PRDM5: variants seen among roughly 807,000 people sequenced by gnomAD.
The protein encoded by PRDM5 is PR/SET domain 5.
In PRDM5, 56 loss-of-function variants were observed where a neutral mutation model predicts 81.2. The ratio of observed to expected loss-of-function variants is 0.69; its 90% CI spans 0.56 to 0.86. PRDM5 has a LOEUF of 0.86. Ranked by LOEUF, PRDM5 falls within the 40% of genes least tolerant of loss-of-function variation. The probability of loss-of-function intolerance (pLI) is 0.00; values close to 1 mark genes in which losing one functional copy is unlikely to be tolerated. For synonymous variants in PRDM5, 267 were observed against 256.4 expected (o/e 1.04, Z -0.39); for missense variants, 697 against 770.1 (o/e 0.91, Z 1.12).
At chr4:120,868,433 T>C (rs1445541375) in intron 2 of PRDM5, among the ~76,000 whole-genome samples, 1 of 151,540 alleles carries the variant, frequency 6.6e-6, no homozygotes, top group African/African-American at 2.4e-5. Context: ...CAGGATTTGC[T>C]TCTAAATGAG....
At chr4:120,790,392 AC>A (rs1359982011) in intron 10 of PRDM5, among the ~76,000 whole-genome samples, 3 of 152,184 alleles carry the variant, frequency 2.0e-5, no homozygotes. Context: ...CACACTCATC[AC>A]AGTTATTGTA....
intron 4 of PRDM5, among the ~76,000 whole-genome samples, chr4:120,820,358 T>C (rs574898041): frequency 6.6e-6 from 1 of 152,320 alleles, no homozygotes; most frequent in Non-Finnish European, 1.5e-5. Flanking sequence ...AGCAATAAAT[T>C]TCTGCTGCTT....
chr4:120,718,934 T>C (rs1257236741), intron 14 of PRDM5, among the ~76,000 whole-genome samples: 1 of 152,208 alleles, frequency 6.6e-6, no homozygotes, highest in Non-Finnish European at 1.5e-5. Flanking sequence ...AATGTCTCAC[T>C]AATTTCCACT....
chr4:120,697,777 C>T (rs1243700005), intron 15 of PRDM5, among the ~76,000 whole-genome samples: 4 of 141,752 alleles, frequency 2.8e-5, no homozygotes, highest in South Asian at 2.4e-4. Context: ...CCTCAGTCTC[C>T]GAAAGTGCTG....
At chr4:120,887,102 C>T (rs752424877) in intron 2 of PRDM5, among the ~76,000 whole-genome samples, 12 of 152,092 alleles carry the variant, frequency 7.9e-5, no homozygotes, top group African/African-American at 2.4e-4. Flanking sequence ...CCCGCCACCA[C>T]GCCTGGCTAA....
intron 1 of PRDM5, among the ~76,000 whole-genome samples, chr4:120,919,311 T>G (rs978586189): frequency 2.0e-5 from 3 of 152,232 alleles, no homozygotes; most frequent in Non-Finnish European, 4.4e-5. Context: ...AAAAAGACCT[T>G]GTCTGTCTTG....
At chr4:120,787,144 T>C (rs1196152761) in intron 10 of PRDM5, among the ~76,000 whole-genome samples, 1 of 151,952 alleles carries the variant, frequency 6.6e-6, no homozygotes, top group Non-Finnish European at 1.5e-5. Flanking sequence ...GGGTAGCAAT[T>C]TTAAATAGGT....
chr4:120,826,515 A>C (rs1314809507), intron 3 of PRDM5, among the ~76,000 whole-genome samples: 3 of 152,134 alleles, frequency 2.0e-5, no homozygotes, highest in African/African-American at 7.2e-5. Flanking sequence ...TTACCTCCCC[A>C]AAAGATGATT....
At chr4:120,774,969 T>C (rs1747927772) in intron 13 of PRDM5, among the ~76,000 whole-genome samples, 2 of 149,300 alleles carry the variant, frequency 1.3e-5, no homozygotes, top group African/African-American at 4.9e-5. Context: ...TATGTATATA[T>C]GTGTGTGTAT....
intron 13 of PRDM5, among the ~76,000 whole-genome samples, chr4:120,755,755 G>C (rs1744640445): frequency 1.3e-5 from 2 of 152,108 alleles, no homozygotes; most frequent in Admixed American, 1.3e-4. Context: ...TGGATCTCAA[G>C]GCTGGCCCCA....
intron 2 of PRDM5, among the ~76,000 whole-genome samples, chr4:120,857,539 T>C (rs1328290338): frequency 6.6e-6 from 1 of 152,232 alleles, no homozygotes; most frequent in African/African-American, 2.4e-5. Context: ...ACGTCACTTT[T>C]CAAGTATCTG....
At chr4:120,811,555 C>A in intron 7 of PRDM5, 106 bp from the exon 8 acceptor site, 1 of 680,876 alleles carries the variant, frequency 1.5e-6, no homozygotes, top group South Asian at 1.9e-5. Context: ...ATTTAGAATT[C>A]TAAACAATTC....
At chr4:120,732,587 C>T (rs1323989944) in intron 14 of PRDM5, among the ~76,000 whole-genome samples, 1 of 109,494 alleles carries the variant, frequency 9.1e-6, no homozygotes, top group South Asian at 3.8e-4. Flanking sequence ...GACAATACAA[C>T]AGGTTACTTC....
intron 14 of PRDM5, among the ~76,000 whole-genome samples, chr4:120,744,589 T>G (rs936153626): frequency 6.6e-6 from 1 of 152,028 alleles, no homozygotes; most frequent in Admixed American, 6.5e-5. Flanking sequence ...GAAAAAATGA[T>G]AAAGGGGATA....
chr4:120,831,081 A>T (rs967887168), intron 3 of PRDM5, among the ~76,000 whole-genome samples: 7 of 152,070 alleles, frequency 4.6e-5, no homozygotes, highest in Non-Finnish European at 1.0e-4. Flanking sequence ...AAAAATATAT[A>T]TACTTCACTT....
downstream of PRDM5, among the ~76,000 whole-genome samples, chr4:120,688,034 T>C (rs534042958): frequency 2.0e-5 from 3 of 152,312 alleles, no homozygotes; most frequent in South Asian, 6.2e-4. Flanking sequence ...ACGGTCTTTT[T>C]ATTTTTTTCA....
At chr4:120,819,644 T>C (rs1433561723) in intron 4 of PRDM5, among the ~76,000 whole-genome samples, 29 of 152,126 alleles carry the variant, frequency 1.9e-4, no homozygotes, top group Admixed American at 1.9e-3. Context: ...AAACTGGTAT[T>C]TTAATAACTA....
chr4:120,777,050 C>A, intron 13 of PRDM5, 138 bp downstream of exon 13: 1 of 1,505,526 alleles, frequency 6.6e-7, no homozygotes, highest in Non-Finnish European at 8.9e-7. Flanking sequence ...CTGGGTTGTA[C>A]AATGCTTTAA....
At chr4:120,709,069 C>T (rs11730049) in intron 15 of PRDM5, among the ~76,000 whole-genome samples, 33,090 of 151,952 alleles carry the variant, frequency 0.22, 3,847 homozygotes, top group Non-Finnish European at 0.28. Context: ...TTTCAAAAAA[C>T]ATAACATGAT....
Sources: allele counts gnomAD v4.1 joint callset (sites outside exome capture counted in the v4.1 genomes callset), GRCh38; gene constraint gnomAD v4.1.1; transcripts MANE v1.5; gene names NCBI Gene and HGNC (gene_info 2026-07-23, HGNC 2026-07-21).